The following AGMO variants were observed in gnomAD, a reference collection of about 807,000 sequenced individuals.
AGMO encodes the protein alkylglycerol monooxygenase, also known as glyceryl-ether monooxygenase.
Under a neutral mutation model 60.2 loss-of-function variants are expected in AGMO, and 75 were observed. The ratio of observed to expected loss-of-function variants is 1.25; its 90% CI spans 1.03 to 1.51. AGMO has a LOEUF of 1.51. Ranked by LOEUF, AGMO falls within the 40% of genes most tolerant of loss-of-function variation. The probability of loss-of-function intolerance (pLI) is 0.00; values close to 1 mark genes in which losing one functional copy is unlikely to be tolerated. For synonymous variants in AGMO, 261 were observed against 177.1 expected (o/e 1.47, Z -3.76); for missense variants, 763 against 525.5 (o/e 1.45, Z -4.42).
chr7:15,434,075 A>T (rs1781330592), intron 3 of AGMO, among the ~76,000 whole-genome samples: 1 of 152,174 alleles, frequency 6.6e-6, no homozygotes, highest in Middle Eastern at 3.4e-3. Context: ...GAACAATTTT[A>T]TTACCCCAAA....
At chr7:15,390,604 T>A (rs1264347958) in intron 8 of AGMO, 67 bp downstream of exon 8, 1 of 1,284,770 alleles carries the variant, frequency 7.8e-7, no homozygotes, top group Non-Finnish European at 1.1e-6. Flanking sequence ...TACAGCTGAT[T>A]TTTCTCTTAA....
At chr7:15,283,135 C>G (rs781239134) in intron 12 of AGMO, among the ~76,000 whole-genome samples, 5 of 151,972 alleles carry the variant, frequency 3.3e-5, no homozygotes, top group Admixed American at 3.3e-4. Flanking sequence ...AATAGAACCT[C>G]TTAAAAGCAT....
At chr7:15,506,194 TAA>T (rs1783508365) in intron 3 of AGMO, among the ~76,000 whole-genome samples, 1 of 152,062 alleles carries the variant, frequency 6.6e-6, no homozygotes, top group Non-Finnish European at 1.5e-5. Context: ...ATACACTGAG[TAA>T]AGTTTTCATA....
intron 3 of AGMO, among the ~76,000 whole-genome samples, chr7:15,503,072 C>A (rs1026018004): frequency 6.6e-6 from 1 of 152,024 alleles, no homozygotes; most frequent in Non-Finnish European, 1.5e-5. Context: ...AAATTAGAGA[C>A]AAACTGACCC....
intron 12 of AGMO, among the ~76,000 whole-genome samples, chr7:15,208,919 A>G (rs974105446): frequency 6.6e-6 from 1 of 152,220 alleles, no homozygotes; most frequent in Non-Finnish European, 1.5e-5. Flanking sequence ...ATGATGAGAA[A>G]CACGACATTT....
At chr7:15,516,483 C>T (rs574767614) in intron 3 of AGMO, among the ~76,000 whole-genome samples, 1 of 152,134 alleles carries the variant, frequency 6.6e-6, no homozygotes, top group Admixed American at 6.5e-5. Context: ...TTTTAGTGCA[C>T]TGTTAAATGG....
intron 3 of AGMO, among the ~76,000 whole-genome samples, chr7:15,498,357 T>G (rs560519624): frequency 6.6e-6 from 1 of 152,148 alleles, no homozygotes; most frequent in East Asian, 1.9e-4. Context: ...AACTATTTTT[T>G]GCATCAGAAA....
chr7:15,326,086 T>A (rs905547658), intron 12 of AGMO, among the ~76,000 whole-genome samples: 7 of 152,174 alleles, frequency 4.6e-5, no homozygotes, highest in African/African-American at 9.6e-5. Flanking sequence ...AGGTTTTTTT[T>A]AAACTGGGAT....
rs147470475 is a variant in AGMO, at chr7:15,448,754, C to T, written c.410-17646G>A. 2.6e-3 allele frequency among the ~76,000 whole-genome samples: 397 copies of T among 151,560 alleles called. 1 individual carries two copies. Among genetic ancestry groups the T allele is most frequent in the African/African-American group, 9.2e-3 (382 of 41,298 alleles). On this transcript the variant is annotated intron_variant, in intron 3 of 12. Coordinates refer to ENST00000342526, the MANE Select transcript of AGMO (RefSeq NM_001004320.2). The stretch of plus-strand genomic sequence containing the variant: ...TAAAAGATGGAAGAAAGAGTAAAGA[C>T]TGAAAAAATGTGTGCAGTCAGCTGT...
chr7:15,302,429 A>C (rs181673199), intron 12 of AGMO, among the ~76,000 whole-genome samples: 1 of 152,306 alleles, frequency 6.6e-6, no homozygotes, highest in East Asian at 1.9e-4. Context: ...TATGGCAATA[A>C]AAGGTATACA....
intron 3 of AGMO, among the ~76,000 whole-genome samples, chr7:15,453,750 G>A (rs1781917461): frequency 6.6e-6 from 1 of 152,100 alleles, no homozygotes; most frequent in African/African-American, 2.4e-5. Flanking sequence ...GATATTTGTG[G>A]CAGCAGGGTC....
the AGMO span, among the ~76,000 whole-genome samples, chr7:15,174,549 A>C: frequency 2.0e-5 from 3 of 152,102 alleles, no homozygotes. Context: ...CAAAATGTGT[A>C]CTTTACAGTC....
At chr7:15,346,288 T>G (rs141222730) in intron 12 of AGMO, among the ~76,000 whole-genome samples, 1 of 152,256 alleles carries the variant, frequency 6.6e-6, no homozygotes, top group African/African-American at 2.4e-5. Context: ...CTAAGACAGA[T>G]GTAATCACTC....
chr7:15,430,032 A>G (rs980673541), intron 4 of AGMO, among the ~76,000 whole-genome samples: 3 of 151,950 alleles, frequency 2.0e-5, no homozygotes, highest in Admixed American at 2.0e-4. Flanking sequence ...TAGTGGTGTG[A>G]CTGAACTATA....
chr7:15,275,566 G>C (rs1055488610), intron 12 of AGMO, among the ~76,000 whole-genome samples: 1 of 152,046 alleles, frequency 6.6e-6, no homozygotes, highest in African/African-American at 2.4e-5. Context: ...ATATCAATTT[G>C]CTCTACAGTC....
chr7:15,200,124 AT>A (rs1406121265), downstream of AGMO, among the ~76,000 whole-genome samples: 2 of 151,930 alleles, frequency 1.3e-5, no homozygotes, highest in Non-Finnish European at 1.5e-5. Context: ...TATTTAAATT[AT>A]TAAATTTTAT....
chr7:15,524,680 T>C (rs1784078324), intron 3 of AGMO, among the ~76,000 whole-genome samples: 1 of 150,992 alleles, frequency 6.6e-6, no homozygotes, highest in Non-Finnish European at 1.5e-5. Context: ...CTGGCCAACA[T>C]GGAGAAACCC....
chr7:15,170,157 C>T, the AGMO span, among the ~76,000 whole-genome samples: 2 of 152,182 alleles, frequency 1.3e-5, no homozygotes, highest in Non-Finnish European at 2.9e-5. Flanking sequence ...GGTGAGCAAA[C>T]CTGAAGACAA....
chr7:15,199,970 A>T (rs571480515), downstream of AGMO, among the ~76,000 whole-genome samples: 5 of 152,262 alleles, frequency 3.3e-5, no homozygotes, highest in East Asian at 9.7e-4. Context: ...GATTCTCTTA[A>T]TACTCTATAT....
Sources: allele counts gnomAD v4.1 joint callset (sites outside exome capture counted in the v4.1 genomes callset), GRCh38; gene constraint gnomAD v4.1.1; transcripts MANE v1.5; gene names NCBI Gene and HGNC (gene_info 2026-07-23, HGNC 2026-07-21).